Variants in OTUB2 observed in about 807,000 individuals in gnomAD.
OTUB2 encodes ubiquitin thioesterase OTUB2.
OTUB2 carries 21 observed loss-of-function variants against 25.1 expected under a neutral mutation model. That is an observed-to-expected ratio of 0.84 (90% CI 0.59 to 1.21). The LOEUF (loss-of-function observed/expected upper bound fraction) is 1.21, where lower values mean the gene tolerates loss of function less well. Ranked by LOEUF, OTUB2 falls within the 50% of genes most tolerant of loss-of-function variation. The pLI, the probability that OTUB2 is intolerant of heterozygous loss-of-function variation, is 0.00. For missense variants in OTUB2, 283 were observed against 298.0 expected, an observed-to-expected ratio of 0.95 and a Z score of 0.37; for synonymous variants, 122 against 122.8, an observed-to-expected ratio of 0.99 and a Z score of 0.04.
Position 94,035,875 on chromosome 14 carries a change from A to G in OTUB2, c.4-1505A>G, listed in dbSNP as rs562435127. Among the ~76,000 whole-genome samples, 8 of 152,264 alleles carry G rather than the reference A, an allele frequency of 5.3e-5. No homozygotes were observed. The South Asian group carries it at 1.7e-3, about 32-fold the overall frequency. ...ATGGAAGATGGCAGACAGTATGACAAGCTGTCATTCCAGGCCCCCCAAAAA... is the reference window on the plus strand; with the variant it reads ...ATGGAAGATGGCAGACAGTATGACAGGCTGTCATTCCAGGCCCCCCAAAAA... On this transcript the variant is annotated intron_variant, in intron 1 of 5. Transcript: ENST00000203664.
At chr14:94,043,924 ACT>A (rs752510386) in intron 3 of OTUB2, 45 bp from the exon 4 acceptor site, 5 of 1,533,496 alleles carry the variant, frequency 3.3e-6, no homozygotes, top group Admixed American at 3.3e-5. Flanking sequence ...CAATCACAGC[ACT>A]CTCGCTGTGT....
intron 1 of OTUB2, among the ~76,000 whole-genome samples, chr14:94,027,898 G>A (rs754796903): frequency 1.6e-4 from 24 of 152,216 alleles, no homozygotes; most frequent in Non-Finnish European, 2.9e-4. Flanking sequence ...AGCTGCTCCT[G>A]GAAGGCAGCC....
intron 3 of OTUB2, among the ~76,000 whole-genome samples, chr14:94,042,902 C>G (rs1052238439): frequency 6.6e-6 from 1 of 152,228 alleles, no homozygotes; most frequent in Non-Finnish European, 1.5e-5. Flanking sequence ...GGGGACTTGA[C>G]AGGGCTGGAG....
intron 2 of OTUB2, among the ~76,000 whole-genome samples, chr14:94,038,584 A>G (rs1173655659): frequency 3.1e-5 from 2 of 65,028 alleles, no homozygotes; most frequent in African/African-American, 1.2e-4. Flanking sequence ...GCAACCCCCT[A>G]CCCCCTACTT....
chr14:94,026,408 T>G lies in OTUB2; in HGVS notation c.-130T>G, dbSNP rs1595363674. The G allele has an allele frequency of 7.0e-6, 9 of 1,283,618 alleles. No individual in the cohort carries two copies. The highest frequency in any genetic ancestry group is 2.3e-5 in the South Asian group (1 of 42,608). The allele number at this position is 1,283,618 out of a possible 1,614,324, so 79.5% of individuals were successfully genotyped here. A position where few individuals can be genotyped will look rare whatever the true frequency, so the allele number is the denominator to read the frequency against. ...GTTTGCGGAGCGGTCGGGTGTATTC[T>G]CCGCCGCCCCCACGCCCTCGAGGTC... On this transcript the variant is annotated 5_prime_UTR_variant, in exon 1 of 6. Transcript: ENST00000203664.
chr14:94,027,111 G>T (rs1884881036), intron 1 of OTUB2, among the ~76,000 whole-genome samples: 1 of 152,204 alleles, frequency 6.6e-6, no homozygotes, highest in Non-Finnish European at 1.5e-5. Context: ...TGAGTTAGGG[G>T]TCGGGGAAAA....
chr14:94,044,206 G>GCCCTCACCCTATT (rs1331708268), intron 4 of OTUB2, 151 bp downstream of exon 4: 1 of 801,050 alleles, frequency 1.2e-6, no homozygotes, highest in South Asian at 1.5e-5. Flanking sequence ...GGCACAGGGA[G>GCCCTCACCCTATT]CCCTCACCCT....
At chr14:94,031,449 C>T (rs1463082671) in intron 1 of OTUB2, among the ~76,000 whole-genome samples, 5 of 152,032 alleles carry the variant, frequency 3.3e-5, no homozygotes, top group African/African-American at 9.7e-5. Flanking sequence ...GAGGGAAAAC[C>T]AGAAGACAGT....
At chr14:94,039,899 G>A (rs888071616) in intron 3 of OTUB2, among the ~76,000 whole-genome samples, 2 of 152,136 alleles carry the variant, frequency 1.3e-5, no homozygotes, top group Admixed American at 1.3e-4. Flanking sequence ...GGGGGCAGTG[G>A]GTCCCAGAGC....
intron 1 of OTUB2, 70 bp downstream of exon 1, chr14:94,026,610 C>A: frequency 2.4e-6 from 2 of 840,524 alleles, no homozygotes; most frequent in Non-Finnish European, 3.1e-6. Context: ...GCTGCCGGAG[C>A]GGGTGCACCC....
rs538956975 is a variant in OTUB2 at position 94,043,810 on chromosome 14, C to T, written c.219-161C>T. ...GGCAGGGCCAGGGTGGAGATGTGCACGGTGCATGTGGCTGTGTGTTGGGGG... is the reference window on the plus strand; with the variant it reads ...GGCAGGGCCAGGGTGGAGATGTGCATGGTGCATGTGGCTGTGTGTTGGGGG... On this transcript the variant is annotated intron_variant, in intron 3 of 5. Coordinates refer to ENST00000203664, the MANE Select transcript of OTUB2 (RefSeq NM_023112.4). 4.6e-5 allele frequency among the ~76,000 whole-genome samples: 7 copies of T among 152,290 alleles called. No homozygotes were observed. In the East Asian group the frequency reaches 5.8e-4, roughly 13 times the overall value.
At chr14:94,027,647 T>C (rs1347705419) in intron 1 of OTUB2, among the ~76,000 whole-genome samples, 5 of 152,192 alleles carry the variant, frequency 3.3e-5, no homozygotes, top group Non-Finnish European at 7.3e-5. Context: ...CTTAGCCTCC[T>C]CTCTCCTATG....
chr14:94,042,075 T>C (rs1885171759), intron 3 of OTUB2, among the ~76,000 whole-genome samples: 1 of 152,234 alleles, frequency 6.6e-6, no homozygotes, highest in Admixed American at 6.5e-5. Flanking sequence ...AGCAAGCGTG[T>C]TGCAGCAGTA....
intron 1 of OTUB2, among the ~76,000 whole-genome samples, chr14:94,027,070 C>G (rs73348104): frequency 0.12 from 18,660 of 152,250 alleles, 1,354 homozygotes; most frequent in African/African-American, 0.2. Context: ...CAGGACCCAC[C>G]TAGAGAGGAT....
chr14:94,040,270 C>A (rs897342306), intron 3 of OTUB2, among the ~76,000 whole-genome samples: 1 of 152,246 alleles, frequency 6.6e-6, no homozygotes, highest in African/African-American at 2.4e-5. Context: ...GGCAGAGCCC[C>A]TTTTGATGGA....
intron 3 of OTUB2, among the ~76,000 whole-genome samples, chr14:94,042,441 G>T (rs949217216): frequency 1.5e-5 from 2 of 134,712 alleles, no homozygotes; most frequent in African/African-American, 2.7e-5. Flanking sequence ...GCACAGAGGG[G>T]CCCACAAGTC....
At chr14:94,038,757 G>C (rs538974832) in intron 2 of OTUB2, among the ~76,000 whole-genome samples, 1 of 152,354 alleles carries the variant, frequency 6.6e-6, no homozygotes, top group Admixed American at 6.5e-5. Context: ...TAGGCTGCCT[G>C]GGGGCAGGGA....
intron 1 of OTUB2, among the ~76,000 whole-genome samples, chr14:94,031,889 C>T (rs767411607): frequency 3.3e-5 from 5 of 152,188 alleles, no homozygotes. Flanking sequence ...TCTGACAGGA[C>T]ATTGTCAGAT....
intron 1 of OTUB2, among the ~76,000 whole-genome samples, chr14:94,030,654 A>G: frequency 6.6e-6 from 1 of 152,252 alleles, no homozygotes; most frequent in African/African-American, 2.4e-5. Context: ...CAGGCTGAAC[A>G]ATGGCCCCAA....
Sources: gnomAD v4.1 joint callset for allele counts (sites outside exome capture counted in the v4.1 genomes callset) on GRCh38, gnomAD v4.1.1 for gene constraint, MANE v1.5 for transcripts, NCBI Gene and HGNC (gene_info 2026-07-23, HGNC 2026-07-21) for gene names.